CSGALNACT1: variants seen among roughly 807,000 people sequenced by gnomAD.
CSGALNACT1 encodes beta4GalNAcT-1.
In CSGALNACT1, 52 loss-of-function variants were observed where a neutral mutation model predicts 51.0. The ratio of observed to expected loss-of-function variants is 1.02; its 90% CI spans 0.82 to 1.29. The LOEUF (loss-of-function observed/expected upper bound fraction) is 1.29, where lower values mean the gene tolerates loss of function less well. Ranked by LOEUF, CSGALNACT1 falls within the 50% of genes most tolerant of loss-of-function variation. CSGALNACT1 has a pLI of 0.00. For synonymous variants in CSGALNACT1, 341 were observed against 254.4 expected, an observed-to-expected ratio of 1.34 and a Z score of -3.24; for missense variants, 935 against 679.2, an observed-to-expected ratio of 1.38 and a Z score of -4.19.
At chr8:19,751,795 T>C (rs1243160324) in intron 1 of CSGALNACT1, among the ~76,000 whole-genome samples, 39 of 152,192 alleles carry the variant, frequency 2.6e-4, no homozygotes, top group Admixed American at 2.2e-3. Context: ...CCTGTTGCCA[T>C]GTGAAGATGT....
At chr8:19,636,176 A>G (rs1181317922) in intron 1 of CSGALNACT1, among the ~76,000 whole-genome samples, 1 of 152,184 alleles carries the variant, frequency 6.6e-6, no homozygotes, top group African/African-American at 2.4e-5. Flanking sequence ...GTACAATACA[A>G]TAAGGTATTT....
At chr8:19,663,895 G>C (rs556892886) in intron 1 of CSGALNACT1, among the ~76,000 whole-genome samples, 1 of 152,278 alleles carries the variant, frequency 6.6e-6, no homozygotes, top group East Asian at 1.9e-4. Context: ...TTCAGATGTG[G>C]GTTCAGATGC....
At chr8:19,637,041 A>C (rs1025372594) in intron 1 of CSGALNACT1, among the ~76,000 whole-genome samples, 8 of 152,074 alleles carry the variant, frequency 5.3e-5, no homozygotes, top group African/African-American at 1.7e-4. Context: ...AAAAAAAAAA[A>C]ATAGAACAAT....
intron 1 of CSGALNACT1, among the ~76,000 whole-genome samples, chr8:19,655,407 C>G (rs1433040644): frequency 6.6e-6 from 1 of 152,078 alleles, no homozygotes; most frequent in African/African-American, 2.4e-5. Context: ...GTTGTGCAGG[C>G]TGGAGTGCAG....
intron 1 of CSGALNACT1, among the ~76,000 whole-genome samples, chr8:19,618,578 G>T (rs1457869930): frequency 7.8e-6 from 1 of 127,766 alleles, no homozygotes; most frequent in African/African-American, 2.9e-5. Context: ...AGGGGAATGA[G>T]CCAAGATCAT....
At chr8:19,512,187 G>A (rs1218063922) in intron 3 of CSGALNACT1, among the ~76,000 whole-genome samples, 1 of 152,196 alleles carries the variant, frequency 6.6e-6, no homozygotes, top group East Asian at 1.9e-4. Flanking sequence ...CTGCTGTGTT[G>A]TGAGCAGCCT....
intron 3 of CSGALNACT1, among the ~76,000 whole-genome samples, chr8:19,583,164 C>A (rs944375474): frequency 7.2e-5 from 11 of 151,808 alleles, no homozygotes; most frequent in African/African-American, 2.7e-4. Flanking sequence ...AAACATAAAC[C>A]AATACCTTTT....
chr8:19,719,988 G>A (rs1334539475), intron 1 of CSGALNACT1, among the ~76,000 whole-genome samples: 1 of 152,190 alleles, frequency 6.6e-6, no homozygotes, highest in Non-Finnish European at 1.5e-5. Context: ...CACTAGGCTG[G>A]CTCATCCCTT....
chr8:19,556,540 C>T (rs79490030), intron 3 of CSGALNACT1, among the ~76,000 whole-genome samples: 4,628 of 152,206 alleles, frequency 0.03, 243 homozygotes, highest in African/African-American at 0.11. Flanking sequence ...TTCAGTGTCA[C>T]GGCACCACGG....
intron 1 of CSGALNACT1, among the ~76,000 whole-genome samples, chr8:19,619,784 C>G (rs2154159423): frequency 6.6e-6 from 1 of 152,170 alleles, no homozygotes; most frequent in East Asian, 1.9e-4. Context: ...ACATTGATAA[C>G]AAAAAGGGAG....
At chr8:19,608,322 C>T (rs1324904498) in intron 1 of CSGALNACT1, among the ~76,000 whole-genome samples, 1 of 152,154 alleles carries the variant, frequency 6.6e-6, no homozygotes, top group Admixed American at 6.5e-5. Flanking sequence ...TCCAACACAA[C>T]AATGGAAGTA....
intron 1 of CSGALNACT1, among the ~76,000 whole-genome samples, chr8:19,635,005 G>A (rs987576129): frequency 7.2e-5 from 11 of 152,202 alleles, no homozygotes; most frequent in Non-Finnish European, 1.5e-4. Flanking sequence ...GGAAAGACAG[G>A]TCATGTTAAA....
chr8:19,432,153 T>C (rs2059744327), intron 6 of CSGALNACT1, among the ~76,000 whole-genome samples: 1 of 152,206 alleles, frequency 6.6e-6, no homozygotes, highest in South Asian at 2.1e-4. Context: ...GGCATGTTTA[T>C]TAGTGATGAA....
intron 4 of CSGALNACT1, among the ~76,000 whole-genome samples, chr8:19,472,543 T>C (rs2068436714): frequency 6.6e-6 from 1 of 152,236 alleles, no homozygotes; most frequent in African/African-American, 2.4e-5. Context: ...TTTGAAAAAG[T>C]TAAAGTAACC....
chr8:19,413,962 T>C (rs1239484094), intron 8 of CSGALNACT1, among the ~76,000 whole-genome samples: 2 of 152,170 alleles, frequency 1.3e-5, no homozygotes, highest in Non-Finnish European at 2.9e-5. Context: ...AGTTGGTCTG[T>C]GGAAGACAAT....
At chr8:19,577,502 A>G (rs1281051915) in intron 3 of CSGALNACT1, among the ~76,000 whole-genome samples, 1 of 151,828 alleles carries the variant, frequency 6.6e-6, no homozygotes, top group African/African-American at 2.4e-5. Context: ...TCAAGGTTAT[A>G]GTGATCTGCA....
chr8:19,529,174 G>C (rs2082271976), intron 3 of CSGALNACT1, among the ~76,000 whole-genome samples: 1 of 152,156 alleles, frequency 6.6e-6, no homozygotes, highest in Non-Finnish European at 1.5e-5. Flanking sequence ...TAACTTAAAA[G>C]CTTTTTTGGT....
At chr8:19,430,820 G>T (rs538123750) in intron 6 of CSGALNACT1, among the ~76,000 whole-genome samples, 2 of 152,124 alleles carry the variant, frequency 1.3e-5, no homozygotes, top group Admixed American at 6.5e-5. Context: ...ATGAACATGG[G>T]ATGTCTTTCC....
At chr8:19,422,139 T>A (rs1185485029) in intron 6 of CSGALNACT1, among the ~76,000 whole-genome samples, 1 of 152,174 alleles carries the variant, frequency 6.6e-6, no homozygotes, top group Non-Finnish European at 1.5e-5. Context: ...GCTATTTTTC[T>A]TTGGTTAAAA....
Sources: gnomAD v4.1 joint callset for allele counts (sites outside exome capture counted in the v4.1 genomes callset) on GRCh38, gnomAD v4.1.1 for gene constraint, MANE v1.5 for transcripts, NCBI Gene and HGNC (gene_info 2026-07-23, HGNC 2026-07-21) for gene names.